Variants in NOMO1 observed in about 807,000 individuals in gnomAD.
NOMO1 encodes NODAL modulator 1.
NOMO1 carries 40 observed loss-of-function variants against 133.8 expected under a neutral mutation model. The observed-to-expected ratio is 0.30, with a 90% CI of 0.23 to 0.39. The LOEUF (loss-of-function observed/expected upper bound fraction) is 0.39, where lower values mean the gene tolerates loss of function less well. Ranked by LOEUF, NOMO1 falls within the 10% of genes least tolerant of loss-of-function variation. The pLI is 1.00. For missense variants in NOMO1, 462 were observed against 1,419.9 expected (o/e 0.33, Z 10.84); for synonymous variants, 236 against 570.5 (o/e 0.41, Z 8.36).
At chr16:14,885,103 C>A (rs899285938) in intron 27 of NOMO1, among the ~76,000 whole-genome samples, 1 of 152,072 alleles carries the variant, frequency 6.6e-6, no homozygotes, top group African/African-American at 2.4e-5. Flanking sequence ...TCAGATCTCA[C>A]AGGACTCATA....
intron 24 of NOMO1, among the ~76,000 whole-genome samples, chr16:14,880,757 T>G (rs1964231042): frequency 6.6e-6 from 1 of 152,002 alleles, no homozygotes; most frequent in Non-Finnish European, 1.5e-5. Flanking sequence ...TGAATAAAAC[T>G]TCAAAATGCT....
Position 14,886,875 on chromosome 16 carries a change from G to T in NOMO1, c.3324+13G>T, listed in dbSNP as rs761304138. Reference sequence around the variant, plus strand: ...CAGAGACGGCGAGGTAATGCCTGTGGCCGGATTCTACCTTCTGCCTTTGTT... The same window carrying T: ...CAGAGACGGCGAGGTAATGCCTGTGTCCGGATTCTACCTTCTGCCTTTGTT... On this transcript the variant is annotated intron_variant, in intron 28 of 30. Transcript: ENST00000287667. 1.4e-5 allele frequency: 22 copies of T among 1,611,546 alleles called. No homozygotes were observed. The highest frequency in any genetic ancestry group is 2.2e-4 in the Middle Eastern group (1 of 4,450).
At chr16:14,846,051 G>C (rs1252926933) in intron 4 of NOMO1, among the ~76,000 whole-genome samples, 20 of 133,930 alleles carry the variant, frequency 1.5e-4, no homozygotes, top group African/African-American at 4.9e-4. Context: ...TTTTAAGATG[G>C]AGTCTCCCTC....
intron 27 of NOMO1, among the ~76,000 whole-genome samples, chr16:14,885,048 A>G (rs1221855118): frequency 6.6e-6 from 1 of 152,020 alleles, no homozygotes; most frequent in Non-Finnish European, 1.5e-5. Flanking sequence ...GAGAAGCTGG[A>G]GCAAAAGAGA....
chr16:14,838,698 G>A (rs2606864), intron 2 of NOMO1, among the ~76,000 whole-genome samples: 4 of 151,720 alleles, frequency 2.6e-5, no homozygotes, highest in Admixed American at 2.6e-4. Context: ...TGTGTTTAGG[G>A]CCATTTGGCA....
chr16:14,857,552 G>A lies in NOMO1; in HGVS notation c.1117G>A (p.Gly373Arg). The change falls in exon 11 of 31, where the codon GGG becomes AGG. Residue 373 changes from glycine to arginine, a missense_variant. Physicochemically the swap from Gly to Arg is moderately radical, Grantham distance 125 (BLOSUM62 -2). Coordinates refer to ENST00000287667, the MANE Select transcript of NOMO1 (RefSeq NM_014287.4). ...GSFRLENITT[G>R]TYTIHAQKEH... Reference sequence around the variant, plus strand: ...ATTCCGCCTTGAGAACATAACCACAGGGACATACACCATCCATGCTCAGAA... The same window carrying A: ...ATTCCGCCTTGAGAACATAACCACAAGGACATACACCATCCATGCTCAGAA... 6.2e-7 allele frequency: 1 copy of A among 1,610,870 alleles called. No individual in the cohort carries two copies. The highest frequency in any genetic ancestry group is 1.3e-5 in the African/African-American group (1 of 74,116).
chr16:14,839,173 G>A (rs1200857865), intron 2 of NOMO1, among the ~76,000 whole-genome samples: 4 of 151,514 alleles, frequency 2.6e-5, no homozygotes, highest in Non-Finnish European at 5.9e-5. Context: ...TCCTTCCTCA[G>A]CCTCCCAAAT....
At position 14,876,405 on chromosome 16, in the gene NOMO1, G is replaced by A. The variant is rs753561538; in HGVS notation, c.2403G>A (p.Leu801=). ...KLIEIHGKAG[L]FLEGQIHPEL... The stretch of plus-strand genomic sequence containing the variant: ...TCGAGATCCATGGGAAGGCAGGCCT[G>A]TTTTTAGAAGGCCAGATCCACCCCG... Residue 801 remains leucine, a synonymous_variant, in exon 21 of 31, where the codon CTG becomes CTA. Transcript: ENST00000287667. 6.2e-7 allele frequency: 1 copy of A among 1,611,304 alleles called. No homozygotes were observed. The highest frequency in any genetic ancestry group is 1.1e-5 in the South Asian group (1 of 90,944).
At chr16:14,836,515 A>G (rs1255568091) in intron 1 of NOMO1, among the ~76,000 whole-genome samples, 1 of 151,944 alleles carries the variant, frequency 6.6e-6, no homozygotes, top group African/African-American at 2.4e-5. Flanking sequence ...TTTTAGGTGC[A>G]TCAGACCCAA....
At chr16:14,838,141 A>G (rs2606867) in intron 1 of NOMO1, among the ~76,000 whole-genome samples, 3 of 151,962 alleles carry the variant, frequency 2.0e-5, no homozygotes, top group South Asian at 2.1e-4. Flanking sequence ...CAACCTAGAG[A>G]CAGCCACTAA....
intron 15 of NOMO1, among the ~76,000 whole-genome samples, chr16:14,867,519 TC>T (rs1331023051): frequency 2.1e-5 from 2 of 96,116 alleles, no homozygotes; most frequent in African/African-American, 6.3e-5. Flanking sequence ...GTGTATTTGT[TC>T]CAGTGCAGGG....
At chr16:14,858,646 TGAG>T (rs1963878365) in intron 11 of NOMO1, among the ~76,000 whole-genome samples, 1 of 152,090 alleles carries the variant, frequency 6.6e-6, no homozygotes, top group Non-Finnish European at 1.5e-5. Flanking sequence ...AAGGTGATGA[TGAG>T]GCCAACCCCA....
At chr16:14,862,641 T>C (rs1170626325) in intron 11 of NOMO1, 5 of 271,840 alleles carry the variant, frequency 1.8e-5, no homozygotes. Context: ...CTAGCCCACA[T>C]TCTCAGTCCA....
intron 7 of NOMO1, 85 bp from the exon 8 acceptor site, chr16:14,853,382 A>C (rs1184317398): frequency 9.3e-7 from 1 of 1,070,092 alleles, no homozygotes; most frequent in Non-Finnish European, 1.3e-6. Context: ...AACTTAAAAA[A>C]ATTTTCCTAT....
At chr16:14,866,282 ACTC>A (rs1398720839) in intron 14 of NOMO1, among the ~76,000 whole-genome samples, 2 of 147,954 alleles carry the variant, frequency 1.4e-5, no homozygotes, top group East Asian at 4.0e-4. Context: ...CTGGTCTTGA[ACTC>A]CTGGCTTCAA....
chr16:14,837,672 AT>A lies in NOMO1; in HGVS notation c.166-732del, dbSNP rs1963539141. On this transcript the variant is annotated intron_variant, in intron 1 of 30. Transcript: ENST00000287667. Reference sequence around the variant, plus strand: ...AAATTATTCAGAGTTAGTAAGGAAGATTTCTGGCCCTCATTCCAGACCTTTA... The same window carrying A: ...AAATTATTCAGAGTTAGTAAGGAAGATTCTGGCCCTCATTCCAGACCTTTA... 4.6e-5 allele frequency among the ~76,000 whole-genome samples: 7 copies of A among 150,852 alleles called. No individual in the cohort carries two copies. The South Asian group carries it at 1.5e-3, about 32-fold the overall frequency.
rs571474187 is a variant in NOMO1, at chr16:14,866,519, C to T, written c.1670-36C>T. Reference sequence around the variant, plus strand: ...GCGTGGAGGGAGGTGGTGTGCTCCACGCCCATGTATCCGTTTTTGGTGTTT... The same window carrying T: ...GCGTGGAGGGAGGTGGTGTGCTCCATGCCCATGTATCCGTTTTTGGTGTTT... On this transcript the variant is annotated intron_variant, in intron 14 of 30. Coordinates refer to ENST00000287667, the MANE Select transcript of NOMO1 (RefSeq NM_014287.4). The T allele has an allele frequency of 2.5e-5, 40 of 1,610,178 alleles. No individual in the cohort carries two copies. In the East Asian group the frequency reaches 4.5e-4, roughly 18 times the overall value.
chr16:14,882,617 G>A lies in NOMO1; in HGVS notation c.3051G>A (p.Gln1017=), dbSNP rs1403540676. ...AGCCGGGATGTGTGTACCACGTTCA[G>A]CTCAAGGCAGAAGGCAACGACCACA... ...GLLPGCVYHV[Q]LKAEGNDHIE... is the part of the protein sequence containing the mutation. Residue 1017 remains glutamine, a synonymous_variant, in exon 26 of 31, where the codon CAG becomes CAA. Coordinates refer to ENST00000287667, the MANE Select transcript of NOMO1 (RefSeq NM_014287.4). 6.2e-7 allele frequency: 1 copy of A among 1,611,656 alleles called. No homozygotes were observed. Among genetic ancestry groups the A allele is most frequent in the South Asian group, 1.1e-5 (1 of 90,944 alleles).
In NOMO1 at chr16:14,838,274, T is replaced by C. The variant is rs1397308339; in HGVS notation, c.166-133T>C. 3.7e-5 allele frequency: 30 copies of C among 821,262 alleles called. 1 individual carries two copies. In the Admixed American group the frequency reaches 6.9e-4, roughly 19 times the overall value. The allele number at this position is 821,262 out of a possible 1,614,324, so 50.9% of individuals were successfully genotyped here. Reference sequence around the variant, plus strand: ...GTTGATTTCCCTCTGTCCCCAGTAATGCCCCGTGTTAAAAGCTGGCATATA... The same window carrying C: ...GTTGATTTCCCTCTGTCCCCAGTAACGCCCCGTGTTAAAAGCTGGCATATA... On this transcript the variant is annotated intron_variant, in intron 1 of 30. Transcript: ENST00000287667.
Sources: allele counts gnomAD v4.1 joint callset (sites outside exome capture counted in the v4.1 genomes callset), GRCh38; gene constraint gnomAD v4.1.1; transcripts MANE v1.5; gene names NCBI Gene and HGNC (gene_info 2026-07-23, HGNC 2026-07-21).